PAPPA: variants seen among roughly 807,000 people sequenced by gnomAD.
PAPPA encodes pappalysin 1.
PAPPA carries 60 observed loss-of-function variants against 164.0 expected under a neutral mutation model. That is an observed-to-expected ratio of 0.37 (90% CI 0.30 to 0.45). The LOEUF (loss-of-function observed/expected upper bound fraction) is 0.45, where lower values mean the gene tolerates loss of function less well. Ranked by LOEUF, PAPPA falls within the 20% of genes least tolerant of loss-of-function variation. The pLI is 1.00. For missense variants in PAPPA, 1,782 were observed against 2,087.3 expected, an observed-to-expected ratio of 0.85 and a Z score of 2.85; for synonymous variants, 875 against 814.1, an observed-to-expected ratio of 1.07 and a Z score of -1.27.
rs565042232 is a variant in PAPPA at position 116,226,058 on chromosome 9, G to A, written c.2112-1373G>A. On this transcript the variant is annotated intron_variant, in intron 5 of 21. Transcript: ENST00000328252. Reference sequence around the variant, plus strand: ...TGATGTCAAAGGTGAACTTGAAGGAGGAGAAACATCAGCCAAGTGAAAAAA... The same window carrying A: ...TGATGTCAAAGGTGAACTTGAAGGAAGAGAAACATCAGCCAAGTGAAAAAA... Among the ~76,000 whole-genome samples, 38 of 152,298 alleles carry A rather than the reference G, an allele frequency of 2.5e-4. No homozygotes were observed. The South Asian group carries it at 7.9e-3, about 32-fold the overall frequency.
At chr9:116,300,896 A>G (rs1845572840) in intron 9 of PAPPA, among the ~76,000 whole-genome samples, 1 of 152,060 alleles carries the variant, frequency 6.6e-6, no homozygotes, top group Admixed American at 6.6e-5. Context: ...TACAAAGCAC[A>G]TTTATGTTCA....
At chr9:116,395,183 C>A (rs1378590420) in intron 21 of PAPPA, among the ~76,000 whole-genome samples, 1 of 152,144 alleles carries the variant, frequency 6.6e-6, no homozygotes, top group Non-Finnish European at 1.5e-5. Flanking sequence ...TGTTCAAGGT[C>A]ACATCTCAAG....
chr9:116,277,736 G>A (rs1396008364), intron 9 of PAPPA, among the ~76,000 whole-genome samples: 5 of 152,142 alleles, frequency 3.3e-5, no homozygotes, highest in African/African-American at 1.2e-4. Flanking sequence ...GGGTGCAGCA[G>A]CATGATCTGG....
At chr9:116,169,751 C>G (rs945406027) in intron 1 of PAPPA, among the ~76,000 whole-genome samples, 23 of 148,758 alleles carry the variant, frequency 1.5e-4, no homozygotes, top group African/African-American at 5.4e-4. Flanking sequence ...TTTTTTTTAT[C>G]TAGTGTGCCA....
In PAPPA at chr9:116,211,534, G is replaced by C. The variant is rs111514934; in HGVS notation, c.1625-105G>C. 2.9e-4 allele frequency: 268 copies of C among 930,034 alleles called. 1 individual carries two copies. In the African/African-American group the frequency reaches 3.7e-3, roughly 13 times the overall value. 57.6% of individuals were successfully genotyped at this position (930,034 alleles called of 1,614,324 possible). On this transcript the variant is annotated intron_variant, in intron 3 of 21. Coordinates refer to ENST00000328252, the MANE Select transcript of PAPPA (RefSeq NM_002581.5). ...ATGGAGTCCTAGGGTGGAGAAGCTT[G>C]TGTTTATTTTGGGCAGCATCTCTTT...
Position 116,353,655 on chromosome 9 carries a change from C to G in PAPPA, c.4209C>G (p.Gly1403=), listed in dbSNP as rs150483502. 6.2e-7 allele frequency: 1 copy of G among 1,613,932 alleles called. No individual in the cohort carries two copies. The highest frequency in any genetic ancestry group is 1.3e-5 in the African/African-American group (1 of 74,886). The change falls in exon 17 of 22, where the codon GGC becomes GGG. Residue 1403 remains glycine (G), a synonymous_variant. Coordinates refer to ENST00000328252, the MANE Select transcript of PAPPA (RefSeq NM_002581.5). ...RAFKTQCTQD[G]SWQEGACVPV... ...TCAAGACTCAGTGTACCCAGGATGG[C>G]AGCTGGCAGGAGGGAGCTTGTGTTC...
rs1372765575 is a variant in PAPPA, at chr9:116,166,110, C to A, written c.415+11523C>A. ...CCTTAGGCATGTTGCATTACGTAAC[C>A]AAAGCACATGACCTAGCATGTGCAT... is the stretch of plus-strand genomic sequence containing the variant. On this transcript the variant is annotated intron_variant, in intron 1 of 21. Coordinates refer to ENST00000328252, the MANE Select transcript of PAPPA (RefSeq NM_002581.5). 3.3e-5 allele frequency among the ~76,000 whole-genome samples: 5 copies of A among 152,200 alleles called. No homozygotes were observed. The East Asian group carries it at 9.7e-4, about 29-fold the overall frequency.
In PAPPA at chr9:116,265,853, C is replaced by T; in HGVS notation, c.2733-4C>T. 6.3e-7 allele frequency: 1 copy of T among 1,589,118 alleles called. No homozygotes were observed. The highest frequency in any genetic ancestry group is 8.6e-7 in the Non-Finnish European group (1 of 1,160,794). On this transcript the variant is annotated splice_polypyrimidine_tract_variant and splice_region_variant and intron_variant, in intron 7 of 21. Transcript: ENST00000328252. ...TATAATTATGTCTTCTTTGTATTTT[C>T]CAGGGATCTAAATCTTGGCAGTGTG...
chr9:116,365,893 T>C (rs1564243315), intron 18 of PAPPA, among the ~76,000 whole-genome samples: 1 of 152,162 alleles, frequency 6.6e-6, no homozygotes, highest in African/African-American at 2.4e-5. Flanking sequence ...GGGCCTGGAA[T>C]TAGAGATGTG....
At chr9:116,289,441 C>G (rs1250974892) in intron 9 of PAPPA, among the ~76,000 whole-genome samples, 3 of 146,336 alleles carry the variant, frequency 2.1e-5, no homozygotes, top group African/African-American at 7.5e-5. Context: ...TATAGACTTT[C>G]ATTTGCATGC....
At chr9:116,240,468 C>T (rs931458831) in intron 7 of PAPPA, among the ~76,000 whole-genome samples, 3 of 151,996 alleles carry the variant, frequency 2.0e-5, no homozygotes, top group Non-Finnish European at 2.9e-5. Context: ...ATTCCAAGCA[C>T]GTAGAACAAT....
chr9:116,347,471 A>G lies in PAPPA; in HGVS notation c.3964+262A>G, dbSNP rs184934577. Among the ~76,000 whole-genome samples, 120 of 152,344 alleles carry G rather than the reference A, an allele frequency of 7.9e-4. 1 individual carries two copies. Among genetic ancestry groups the G allele is most frequent in the African/African-American group, 2.8e-3 (116 of 41,576 alleles). ...GCAAAAAAGAAAAGAAAGAGAGGAT[A>G]AAAGTGAAGAAGGGAGGGAAGAAGG... On this transcript the variant is annotated intron_variant, in intron 15 of 21. Coordinates refer to ENST00000328252, the MANE Select transcript of PAPPA (RefSeq NM_002581.5). The surrounding 1 kb of genome is among the most constrained non-coding windows in gnomAD (Gnocchi z 4.5).
At chr9:116,183,077 C>T (rs1388270794) in intron 1 of PAPPA, among the ~76,000 whole-genome samples, 2 of 152,170 alleles carry the variant, frequency 1.3e-5, no homozygotes, top group African/African-American at 2.4e-5. Flanking sequence ...TAGTCCCACA[C>T]AGATGGTGCT....
rs372878893 is a variant in PAPPA, at chr9:116,235,124, A to T, written c.2234-15A>T. On this transcript the variant is annotated splice_polypyrimidine_tract_variant and intron_variant, in intron 6 of 21. Transcript: ENST00000328252. ...TCTTTCCCCAAGAACTCATTCCCTC[A>T]TCTCTTCTGCATAGGTCATCCTGAT... 3.8e-5 allele frequency: 61 copies of T among 1,614,102 alleles called. No homozygotes were observed. Among genetic ancestry groups the T allele is most frequent in the Non-Finnish European group, 4.9e-5 (58 of 1,179,966 alleles).
chr9:116,395,117 CT>C (rs1251779291), intron 21 of PAPPA, among the ~76,000 whole-genome samples: 2 of 152,122 alleles, frequency 1.3e-5, no homozygotes, highest in African/African-American at 4.8e-5. Flanking sequence ...GAGGTCTACA[CT>C]TTTATTTTTC....
intron 9 of PAPPA, among the ~76,000 whole-genome samples, chr9:116,291,891 A>G (rs775961239): frequency 2.0e-5 from 3 of 152,098 alleles, no homozygotes; most frequent in Non-Finnish European, 4.4e-5. Context: ...AAATAAAACA[A>G]TATGGTATGC....
intron 21 of PAPPA, among the ~76,000 whole-genome samples, chr9:116,390,167 A>G (rs1846872126): frequency 6.6e-6 from 1 of 152,196 alleles, no homozygotes; most frequent in Admixed American, 6.5e-5. Context: ...AGAGTATAGC[A>G]AGTACTCATG....
chr9:116,307,363 G>A (rs1016296646), intron 10 of PAPPA, among the ~76,000 whole-genome samples: 2 of 152,136 alleles, frequency 1.3e-5, no homozygotes, highest in Admixed American at 6.5e-5. Context: ...GCTTTGGGAG[G>A]CTGAGGCGGG....
At chr9:116,251,580 C>T (rs1316511978) in intron 7 of PAPPA, among the ~76,000 whole-genome samples, 1 of 152,194 alleles carries the variant, frequency 6.6e-6, no homozygotes, top group South Asian at 2.1e-4. Context: ...ACTCCCTGGC[C>T]CTGACTTGGC....
Sources: gnomAD v4.1 joint callset for allele counts (sites outside exome capture counted in the v4.1 genomes callset) on GRCh38, gnomAD v4.1.1 for gene constraint, Gnocchi (gnomAD v3.1) non-coding constraint, MANE v1.5 for transcripts, NCBI Gene and HGNC (gene_info 2026-07-23, HGNC 2026-07-21) for gene names.